Variants in MRC1 observed in about 807,000 individuals in gnomAD.
MRC1 encodes macrophage mannose receptor 1.
Under a neutral mutation model 102.9 loss-of-function variants are expected in MRC1, and 62 were observed. The ratio of observed to expected loss-of-function variants is 0.60; its 90% CI spans 0.49 to 0.74. The LOEUF is 0.74. MRC1 is among the 30% of genes least tolerant of loss of function. The pLI is 0.00. For missense variants in MRC1, 1,237 were observed against 862.8 expected (o/e 1.43, Z -5.43); for synonymous variants, 457 against 298.4 (o/e 1.53, Z -5.48).
chr10:17,867,522 A>C (rs1188930487), intron 12 of MRC1, among the ~76,000 whole-genome samples: 2 of 151,916 alleles, frequency 1.3e-5, no homozygotes, highest in Admixed American at 1.3e-4. Flanking sequence ...ATCTGGGCTC[A>C]AGTGCTCCTC....
In MRC1 at chr10:17,845,442, G is replaced by A. The variant is rs1838812021; in HGVS notation, c.1063+7G>A. ...TCTTTTGTTATTCCCTCAGGTAAGT[G>A]ATCTATGGGATCTGAAGTGCCTCAA... On this transcript the variant is annotated splice_region_variant and intron_variant, in intron 6 of 29. Transcript: ENST00000569591. The A allele has an allele frequency of 1.3e-6, 1 of 780,754 alleles. No individual in the cohort carries two copies. The highest frequency in any genetic ancestry group is 1.7e-5 in the African/African-American group (1 of 59,204). 48.4% of individuals were successfully genotyped at this position (780,754 alleles called of 1,614,324 possible).
chr10:17,810,888 G>A (rs1838210373), intron 1 of MRC1, among the ~76,000 whole-genome samples: 1 of 152,152 alleles, frequency 6.6e-6, no homozygotes, highest in African/African-American at 2.4e-5. Flanking sequence ...TACTTCCTGG[G>A]TTCGAGTGAT....
intron 17 of MRC1, among the ~76,000 whole-genome samples, chr10:17,877,379 T>G (rs1347026938): frequency 6.7e-6 from 1 of 149,234 alleles, no homozygotes; most frequent in Non-Finnish European, 1.5e-5. Context: ...ATTATACATA[T>G]CAATCCTCTC....
intron 1 of MRC1, among the ~76,000 whole-genome samples, chr10:17,812,503 T>C (rs1838238964): frequency 6.6e-6 from 1 of 151,732 alleles, no homozygotes; most frequent in Admixed American, 6.6e-5. Flanking sequence ...CCCACCATGG[T>C]TGATTTCAAG....
chr10:17,889,643 C>T (rs971338381), intron 22 of MRC1, among the ~76,000 whole-genome samples: 2 of 152,158 alleles, frequency 1.3e-5, no homozygotes, highest in Admixed American at 6.5e-5. Context: ...AATCCAAGTC[C>T]TTTTTCAAAC....
At chr10:17,839,794 C>T (rs1328493342) in intron 4 of MRC1, among the ~76,000 whole-genome samples, 3 of 151,862 alleles carry the variant, frequency 2.0e-5, no homozygotes, top group East Asian at 1.9e-4. Flanking sequence ...TATGGTGGCT[C>T]ACGCCTGTAA....
intron 2 of MRC1, among the ~76,000 whole-genome samples, chr10:17,826,863 A>T (rs1335222126): frequency 1.3e-5 from 2 of 152,218 alleles, no homozygotes; most frequent in Non-Finnish European, 2.9e-5. Flanking sequence ...TCTTTTCATG[A>T]TAGGGATTAG....
rs1350701506 is a variant in MRC1, at chr10:17,849,637, C to T, written c.1122C>T (p.Tyr374=). The T allele has an allele frequency of 9.0e-6, 7 of 780,764 alleles. No individual in the cohort carries two copies. The highest frequency in any genetic ancestry group is 2.2e-4 in the Middle Eastern group (1 of 4,464). 48.4% of individuals were successfully genotyped at this position (780,764 alleles called of 1,614,324 possible). ...GGTGGCCGTATGCCGGTCACTGTTA[C>T]AAGATTCACAGAGATGAGAAAAAAA... ...SQWWPYAGHC[Y]KIHRDEKKIQ... is the part of the protein sequence containing the mutation. The change falls in exon 7 of 30, where the codon TAC becomes TAT. Residue 374 remains tyrosine (Y), a synonymous_variant. Coordinates refer to ENST00000569591, the MANE Select transcript of MRC1 (RefSeq NM_002438.4).
intron 24 of MRC1, among the ~76,000 whole-genome samples, chr10:17,900,002 G>A (rs901386032): frequency 9.9e-5 from 15 of 150,938 alleles, no homozygotes; most frequent in Non-Finnish European, 2.2e-4. Flanking sequence ...GGAGGCAGAG[G>A]CAGGAGAATC....
chr10:17,825,203 G>C (rs1838455159), intron 2 of MRC1, among the ~76,000 whole-genome samples: 2 of 152,168 alleles, frequency 1.3e-5, no homozygotes. Context: ...TAGGGTCTCT[G>C]TATCTCTGAT....
chr10:17,864,725 A>T (rs1833237006), intron 11 of MRC1, among the ~76,000 whole-genome samples: 1 of 149,142 alleles, frequency 6.7e-6, no homozygotes, highest in Non-Finnish European at 1.5e-5. Context: ...GCTACTTGGG[A>T]GGCTGAGGCA....
chr10:17,816,168 A>AT (rs1838308955), intron 1 of MRC1, among the ~76,000 whole-genome samples: 1 of 152,214 alleles, frequency 6.6e-6, no homozygotes, highest in Non-Finnish European at 1.5e-5. Flanking sequence ...TACTAGGTGC[A>AT]GGGTAAATAT....
At chr10:17,874,695 CT>C (rs1213680184) in intron 16 of MRC1, among the ~76,000 whole-genome samples, 53 of 147,008 alleles carry the variant, frequency 3.6e-4, no homozygotes, top group Admixed American at 6.1e-4. Context: ...CGAAGTTTTG[CT>C]TTTTTTTTTT....
intron 22 of MRC1, among the ~76,000 whole-genome samples, chr10:17,892,503 G>A (rs1833693689): frequency 6.6e-6 from 1 of 152,066 alleles, no homozygotes; most frequent in African/African-American, 2.4e-5. Context: ...ATTTTCCAAT[G>A]CATTTAAGAG....
intron 1 of MRC1, among the ~76,000 whole-genome samples, chr10:17,818,988 G>C (rs995437131): frequency 1.3e-5 from 2 of 152,088 alleles, no homozygotes; most frequent in Non-Finnish European, 2.9e-5. Flanking sequence ...AATGATATAG[G>C]GGCTGGATGT....
chr10:17,901,729 A>T (rs1833832587), intron 25 of MRC1, among the ~76,000 whole-genome samples: 1 of 152,060 alleles, frequency 6.6e-6, no homozygotes, highest in Non-Finnish European at 1.5e-5. Context: ...CTATAGATCG[A>T]TTGTCTTAAC....
intron 15 of MRC1, among the ~76,000 whole-genome samples, chr10:17,873,388 A>G (rs915064545): frequency 1.5e-4 from 23 of 152,146 alleles, no homozygotes; most frequent in African/African-American, 2.4e-5. Flanking sequence ...TAACTCACAT[A>G]TTTTCACAAA....
At chr10:17,899,108 C>A (rs1279920301) in intron 24 of MRC1, among the ~76,000 whole-genome samples, 96 of 141,456 alleles carry the variant, frequency 6.8e-4, no homozygotes, top group African/African-American at 5.1e-4. Context: ...ATCAAGAAGA[C>A]AAAAAAAAAA....
intron 23 of MRC1, among the ~76,000 whole-genome samples, chr10:17,895,180 C>T (rs914716305): frequency 5.9e-5 from 9 of 151,982 alleles, no homozygotes; most frequent in African/African-American, 2.2e-4. Flanking sequence ...GTGCTCCTCA[C>T]TCCAGCCTGG....
Sources: gnomAD v4.1 joint callset for allele counts (sites outside exome capture counted in the v4.1 genomes callset) on GRCh38, gnomAD v4.1.1 for gene constraint, MANE v1.5 for transcripts, NCBI Gene and HGNC (gene_info 2026-07-23, HGNC 2026-07-21) for gene names.